The following AGAP1 variants were observed in gnomAD, a reference collection of about 807,000 sequenced individuals.
The protein encoded by AGAP1 is ArfGAP with GTPase domain, ankyrin repeat and PH domain 1.
AGAP1 carries 29 observed loss-of-function variants against 105.3 expected under a neutral mutation model. The ratio of observed to expected loss-of-function variants is 0.28; its 90% confidence interval spans 0.21 to 0.38. The LOEUF (loss-of-function observed/expected upper bound fraction) is 0.38, where lower values mean the gene tolerates loss of function less well. Ranked by LOEUF, AGAP1 falls within the 10% of genes least tolerant of loss-of-function variation. The pLI is 1.00. For missense variants in AGAP1, 998 were observed against 1,165.1 expected, an observed-to-expected ratio of 0.86 and a Z score of 2.09; for synonymous variants, 509 against 485.9, an observed-to-expected ratio of 1.05 and a Z score of -0.63.
intron 9 of AGAP1, among the ~76,000 whole-genome samples, chr2:235,819,098 A>ATTTCT (rs199751739): frequency 5.4e-5 from 8 of 148,266 alleles, no homozygotes; most frequent in South Asian, 2.1e-4. Context: ...GGGAAATTGT[A>ATTTCT]TTTCTTTTCT....
intron 11 of AGAP1, among the ~76,000 whole-genome samples, chr2:235,914,015 C>G (rs2051752180): frequency 6.6e-6 from 1 of 151,110 alleles, no homozygotes; most frequent in South Asian, 2.1e-4. Flanking sequence ...TTAATCTATT[C>G]TGTTTATAAT....
rs1031920628 is a variant in AGAP1 at position 236,038,869 on chromosome 2, G to A, written c.1801-1882G>A. Among the ~76,000 whole-genome samples the A allele has an allele frequency of 2.6e-5, 4 of 151,776 alleles. No individual in the cohort carries two copies. The highest frequency in any genetic ancestry group is 6.6e-5 in the Admixed American group (1 of 15,226). On this transcript the variant is annotated intron_variant, in intron 14 of 17. Coordinates refer to ENST00000304032, the MANE Select transcript of AGAP1 (RefSeq NM_001037131.3). This position sits in a 1 kb window ranked among gnomAD's most constrained non-coding sequence, Gnocchi z 4.5. The stretch of plus-strand genomic sequence containing the variant: ...TGTGTGATCACACACTTGCATTCCA[G>A]ATGCCAGTGTAAACTGTTTAAACAT...
Position 235,769,416 on chromosome 2 carries a change from C to T in AGAP1, c.673+18928C>T, listed in dbSNP as rs1276412479. ...TTGCAGAAAATTGTTGGCATTGCAT[C>T]ATTGGCTTATGCTACTAAATAATGT... On this transcript the variant is annotated intron_variant, in intron 6 of 17. Coordinates refer to ENST00000304032, the MANE Select transcript of AGAP1 (RefSeq NM_001037131.3). This position sits in a 1 kb window ranked among gnomAD's most constrained non-coding sequence, Gnocchi z 4.4. Among the ~76,000 whole-genome samples, 1 of 152,212 alleles carries T rather than the reference C, an allele frequency of 6.6e-6. No individual in the cohort carries two copies. Among genetic ancestry groups the T allele is most frequent in the African/African-American group, 2.4e-5 (1 of 41,450 alleles).
Position 235,540,324 on chromosome 2 carries a change from GTAT to G in AGAP1, c.163+45477_163+45479del, listed in dbSNP as rs528372751. Among the ~76,000 whole-genome samples the G allele has an allele frequency of 6.6e-5, 10 of 152,040 alleles. No individual in the cohort carries two copies. In the South Asian group the frequency reaches 1.9e-3, roughly 28 times the overall value. On this transcript the variant is annotated intron_variant, in intron 1 of 17. Coordinates refer to ENST00000304032, the MANE Select transcript of AGAP1 (RefSeq NM_001037131.3). ...CGCCACCAACGCCTGGCTAATTTTTGTATTTTTAGTCAAGACGGGGTTTTGCCA... is the reference window on the plus strand; with the variant it reads ...CGCCACCAACGCCTGGCTAATTTTTGTTTTAGTCAAGACGGGGTTTTGCCA...
rs1414802130 is a variant in AGAP1 at position 235,842,057 on chromosome 2, C to T, written c.1050+34726C>T. Among the ~76,000 whole-genome samples, 1 of 152,166 alleles carries T rather than the reference C, an allele frequency of 6.6e-6. No individual in the cohort carries two copies. The highest frequency in any genetic ancestry group is 1.5e-5 in the Non-Finnish European group (1 of 68,032). On this transcript the variant is annotated intron_variant, in intron 9 of 17. Coordinates refer to ENST00000304032, the MANE Select transcript of AGAP1 (RefSeq NM_001037131.3). This position sits in a 1 kb window ranked among gnomAD's most constrained non-coding sequence, Gnocchi z 5.3. ...TCACCTGCTGCTTCCTGCGGGATGT[C>T]GCTCATGTGGAGGAGGGCCTCTCGT...
At chr2:235,613,091 G>C (rs145386933) in intron 1 of AGAP1, among the ~76,000 whole-genome samples, 7 of 150,140 alleles carry the variant, frequency 4.7e-5, no homozygotes, top group African/African-American at 1.7e-4. Context: ...GCAGTGGTAC[G>C]ATCTCGGCTC....
intron 1 of AGAP1, among the ~76,000 whole-genome samples, chr2:235,604,551 T>C (rs1945852872): frequency 6.7e-6 from 1 of 150,142 alleles, no homozygotes; most frequent in Admixed American, 6.6e-5. Context: ...CACATTCGTG[T>C]TTCTTTTTTA....
chr2:235,681,246 T>G (rs901372017), intron 1 of AGAP1, among the ~76,000 whole-genome samples: 11 of 152,294 alleles, frequency 7.2e-5, no homozygotes, highest in Non-Finnish European at 1.0e-4. Context: ...CCTGATCTCA[T>G]GATCTGCCCT....
In AGAP1 at chr2:235,514,620, G is replaced by C. The variant is rs186759208; in HGVS notation, c.163+19771G>C. Among the ~76,000 whole-genome samples the C allele has an allele frequency of 3.7e-4, 57 of 152,374 alleles. 1 individual carries two copies. The East Asian group carries it at 0.011, about 28-fold the overall frequency. Reference sequence around the variant, plus strand: ...ACCCACCTGATGCCTTCACAACCCAGCTCAGGAGTCCTGCTTCCCCAAGGC... The same window carrying C: ...ACCCACCTGATGCCTTCACAACCCACCTCAGGAGTCCTGCTTCCCCAAGGC... On this transcript the variant is annotated intron_variant, in intron 1 of 17. Coordinates refer to ENST00000304032, the MANE Select transcript of AGAP1 (RefSeq NM_001037131.3).
At chr2:235,774,470 C>T (rs1955707485) in intron 6 of AGAP1, 1 of 424,032 alleles carries the variant, frequency 2.4e-6, no homozygotes, top group African/African-American at 2.1e-5. Flanking sequence ...TTGGGCAAGA[C>T]CAGTAGGCTA....
intron 1 of AGAP1, among the ~76,000 whole-genome samples, chr2:235,686,784 GCTGAGACT>G (rs1382938528): frequency 1.3e-5 from 2 of 149,482 alleles, no homozygotes; most frequent in Non-Finnish European, 1.5e-5. Flanking sequence ...CACCCAAGTA[GCTGAGACT>G]ACAGACACAT....
chr2:235,573,235 C>T (rs1342482705), intron 1 of AGAP1, among the ~76,000 whole-genome samples: 2 of 151,536 alleles, frequency 1.3e-5, no homozygotes, highest in South Asian at 2.1e-4. Context: ...CAGGCATGTA[C>T]CACCATGCCT....
chr2:235,861,771 C>T (rs2048936545), intron 9 of AGAP1, among the ~76,000 whole-genome samples: 1 of 152,228 alleles, frequency 6.6e-6, no homozygotes, highest in Non-Finnish European at 1.5e-5. Flanking sequence ...GGGATTGATT[C>T]TGGGCATGAC....
In AGAP1 at chr2:235,864,738, A is replaced by C. The variant is rs761323017; in HGVS notation, c.1051-18607A>C. ...CTGTCAGTCCTGGTGGGAAAAAAAA[A>C]CATTTTGTTTTTCTTAGTTTCCTTT... On this transcript the variant is annotated intron_variant, in intron 9 of 17. Coordinates refer to ENST00000304032, the MANE Select transcript of AGAP1 (RefSeq NM_001037131.3). The surrounding 1 kb of genome is among the most constrained non-coding windows in gnomAD (Gnocchi z 5.0). 3.3e-5 allele frequency among the ~76,000 whole-genome samples: 5 copies of C among 152,268 alleles called. No homozygotes were observed. Among genetic ancestry groups the C allele is most frequent in the Non-Finnish European group, 5.9e-5 (4 of 68,024 alleles).
At position 236,101,029 on chromosome 2, in the gene AGAP1, C is replaced by T. The variant is rs1038242156; in HGVS notation, c.2115-19163C>T. On this transcript the variant is annotated intron_variant, in intron 16 of 17. Transcript: ENST00000304032. This position sits in a 1 kb window ranked among gnomAD's most constrained non-coding sequence, Gnocchi z 4.9. ...AATGTGAGCATCAGCTAGGCTGACA[C>T]AGGGGTCCGCAGACCCAGGCCCCTC... Among the ~76,000 whole-genome samples, 2 of 152,138 alleles carry T rather than the reference C, an allele frequency of 1.3e-5. No individual in the cohort carries two copies. Among genetic ancestry groups the T allele is most frequent in the East Asian group, 3.9e-4 (2 of 5,168 alleles).
At chr2:236,115,399 G>A (rs1305303989) in intron 16 of AGAP1, among the ~76,000 whole-genome samples, 5 of 152,202 alleles carry the variant, frequency 3.3e-5, no homozygotes, top group Admixed American at 2.0e-4. Flanking sequence ...CCACTAAGTC[G>A]AGAAAAGGCA....
chr2:235,545,613 T>C (rs554841830), intron 1 of AGAP1, among the ~76,000 whole-genome samples: 28 of 152,324 alleles, frequency 1.8e-4, no homozygotes, highest in African/African-American at 6.3e-4. Flanking sequence ...TCACTGCCCT[T>C]AGTGGAGTTC....
intron 13 of AGAP1, among the ~76,000 whole-genome samples, chr2:236,006,386 C>T (rs957983693): frequency 3.3e-5 from 5 of 152,174 alleles, no homozygotes; most frequent in Non-Finnish European, 7.4e-5. Context: ...GCTAGGCGTG[C>T]TCGTTGCTTC....
rs755512885 is a variant in AGAP1, at chr2:235,639,197, G to T, written c.164-69982G>T. ...GGCCCACAGGTTGAGAGAGGGGATG[G>T]GTTCAGCTTTGGCCATGCTGTTGTG... On this transcript the variant is annotated intron_variant, in intron 1 of 17. Transcript: ENST00000304032. The surrounding 1 kb of genome is among the most constrained non-coding windows in gnomAD (Gnocchi z 5.3). Among the ~76,000 whole-genome samples, 1 of 152,164 alleles carries T rather than the reference G, an allele frequency of 6.6e-6. No individual in the cohort carries two copies. Among genetic ancestry groups the T allele is most frequent in the Non-Finnish European group, 1.5e-5 (1 of 68,032 alleles).
Sources: allele counts gnomAD v4.1 joint callset (sites outside exome capture counted in the v4.1 genomes callset), GRCh38; gene constraint gnomAD v4.1.1; non-coding constraint Gnocchi (gnomAD v3.1); transcripts MANE v1.5; gene names NCBI Gene and HGNC (gene_info 2026-07-23, HGNC 2026-07-21).